TAFA1: variants seen among roughly 807,000 people sequenced by gnomAD.
TAFA1 encodes TAFA chemokine like family member 1.
A neutral mutation model predicts 18.5 loss-of-function variants in TAFA1; 4 were observed. That is an observed-to-expected ratio of 0.22 (90% CI 0.11 to 0.49). The LOEUF is 0.49. Among genes scored for constraint, TAFA1 ranks in the 20% least tolerant of loss-of-function variants. TAFA1 has a pLI of 0.98. For synonymous variants in TAFA1, 56 were observed against 55.2 expected (o/e 1.01, Z -0.06); for missense variants, 147 against 169.0 (o/e 0.87, Z 0.72).
At chr3:68,073,884 G>A (rs2064788786) in intron 2 of TAFA1, among the ~76,000 whole-genome samples, 1 of 152,132 alleles carries the variant, frequency 6.6e-6, no homozygotes, top group Admixed American at 6.5e-5. Context: ...TTTTGTGGAA[G>A]ACAATTTTTC....
At chr3:68,145,440 A>G (rs1022476929) in intron 2 of TAFA1, 3 of 864,146 alleles carry the variant, frequency 3.5e-6, no homozygotes, top group Non-Finnish European at 6.0e-6. Flanking sequence ...GAGGCTGTGA[A>G]AGGCTTATTA....
intron 2 of TAFA1, among the ~76,000 whole-genome samples, chr3:68,083,731 ACTT>A (rs1423115918): frequency 1.3e-5 from 2 of 151,946 alleles, no homozygotes; most frequent in African/African-American, 2.4e-5. Flanking sequence ...CTTGGTCTTG[ACTT>A]CTTCTGGCAT....
chr3:68,380,732 T>G (rs1471731593), intron 2 of TAFA1, among the ~76,000 whole-genome samples: 5 of 152,080 alleles, frequency 3.3e-5, no homozygotes, highest in Non-Finnish European at 7.3e-5. Context: ...CTGTTCACTC[T>G]GACAGTAGTT....
At chr3:68,196,393 T>A (rs904219015) in intron 2 of TAFA1, among the ~76,000 whole-genome samples, 19 of 151,840 alleles carry the variant, frequency 1.3e-4, no homozygotes, top group Middle Eastern at 3.4e-3. Flanking sequence ...TCAATCAATC[T>A]ATCTATCTAT....
chr3:68,409,658 C>G (rs2070675716), intron 2 of TAFA1, among the ~76,000 whole-genome samples: 1 of 152,100 alleles, frequency 6.6e-6, no homozygotes, highest in African/African-American at 2.4e-5. Context: ...TGAAAACAGA[C>G]TAATACAATC....
intron 2 of TAFA1, among the ~76,000 whole-genome samples, chr3:68,123,187 A>T (rs1186555725): frequency 1.3e-5 from 2 of 152,000 alleles, no homozygotes; most frequent in African/African-American, 2.4e-5. Flanking sequence ...AGATGCTAAG[A>T]TGCATTGTGA....
At chr3:68,043,206 A>G (rs1705203344) in intron 2 of TAFA1, among the ~76,000 whole-genome samples, 1 of 152,132 alleles carries the variant, frequency 6.6e-6, no homozygotes, top group African/African-American at 2.4e-5. Flanking sequence ...ATGTTAACAG[A>G]AAGAGAGTAC....
intron 3 of TAFA1, among the ~76,000 whole-genome samples, chr3:68,439,730 C>T (rs1006113632): frequency 1.3e-5 from 2 of 151,868 alleles, no homozygotes; most frequent in Non-Finnish European, 2.9e-5. Context: ...CCCACTGACT[C>T]AAATGTTAAT....
intron 2 of TAFA1, among the ~76,000 whole-genome samples, chr3:68,008,894 T>C (rs1704416707): frequency 6.6e-6 from 1 of 152,130 alleles, no homozygotes; most frequent in South Asian, 2.1e-4. Context: ...TTTTCTGCTC[T>C]CATTCCCCAT....
chr3:68,299,115 G>A (rs992610640), intron 2 of TAFA1, among the ~76,000 whole-genome samples: 9 of 152,198 alleles, frequency 5.9e-5, no homozygotes, highest in Non-Finnish European at 1.3e-4. Context: ...AGATGGGGAT[G>A]AGGAACTTCT....
At chr3:68,042,285 G>C (rs1314245795) in intron 2 of TAFA1, among the ~76,000 whole-genome samples, 5 of 152,132 alleles carry the variant, frequency 3.3e-5, no homozygotes, top group Admixed American at 2.0e-4. Flanking sequence ...CTTTACATTT[G>C]TCTAGTGATT....
intron 2 of TAFA1, among the ~76,000 whole-genome samples, chr3:68,308,649 C>G (rs766085108): frequency 6.6e-6 from 1 of 152,128 alleles, no homozygotes; most frequent in Non-Finnish European, 1.5e-5. Context: ...CATCCTCCTC[C>G]TTTACACTTG....
intron 2 of TAFA1, among the ~76,000 whole-genome samples, chr3:68,026,597 A>G (rs527842793): frequency 1.6e-4 from 25 of 152,186 alleles, no homozygotes; most frequent in African/African-American, 5.8e-4. Context: ...TGACCTGAGG[A>G]GGTAGGAACT....
intron 4 of TAFA1, among the ~76,000 whole-genome samples, chr3:68,543,698 CTAGAG>C (rs368221726): frequency 9.9e-5 from 15 of 152,098 alleles, no homozygotes; most frequent in South Asian, 6.2e-4. Flanking sequence ...TCCTGGAACT[CTAGAG>C]TAGAGTCTTC....
chr3:68,148,400 T>C (rs1196158157), intron 2 of TAFA1, among the ~76,000 whole-genome samples: 1 of 152,252 alleles, frequency 6.6e-6, no homozygotes, highest in Non-Finnish European at 1.5e-5. Flanking sequence ...AGCTTTGACA[T>C]GTGTTCAGAT....
chr3:68,411,104 A>G (rs890573714), intron 2 of TAFA1, among the ~76,000 whole-genome samples: 1 of 152,208 alleles, frequency 6.6e-6, no homozygotes, highest in Non-Finnish European at 1.5e-5. Context: ...ACAATAGATA[A>G]GTAAAACCTT....
intron 3 of TAFA1, among the ~76,000 whole-genome samples, chr3:68,463,709 G>A (rs1183509662): frequency 6.6e-6 from 1 of 152,164 alleles, no homozygotes; most frequent in Admixed American, 6.6e-5. Context: ...GATGTTGGGT[G>A]TCATGTTGGG....
At chr3:68,337,152 T>C (rs1046456026) in intron 2 of TAFA1, among the ~76,000 whole-genome samples, 3 of 152,180 alleles carry the variant, frequency 2.0e-5, no homozygotes, top group Non-Finnish European at 4.4e-5. Context: ...TAATGTATTT[T>C]TAAAAAGTGG....
At chr3:68,310,055 G>T (rs1019472356) in intron 2 of TAFA1, among the ~76,000 whole-genome samples, 5 of 152,026 alleles carry the variant, frequency 3.3e-5, no homozygotes, top group African/African-American at 1.2e-4. Flanking sequence ...ACTTATATAA[G>T]CTACTCTACA....
Sources: allele counts gnomAD v4.1 joint callset (sites outside exome capture counted in the v4.1 genomes callset), GRCh38; gene constraint gnomAD v4.1.1; transcripts MANE v1.5; gene names NCBI Gene and HGNC (gene_info 2026-07-23, HGNC 2026-07-21).